The following TENM2 variants were observed in gnomAD, a reference collection of about 807,000 sequenced individuals.
The protein encoded by TENM2 is teneurin transmembrane protein 2.
In TENM2, 52 loss-of-function variants were observed where a neutral mutation model predicts 245.2. That is an observed-to-expected ratio of 0.21 (90% CI 0.17 to 0.27). The LOEUF is 0.27. Among genes scored for constraint, TENM2 ranks in the 10% least tolerant of loss-of-function variants. The pLI is 1.00. For missense variants in TENM2, 3,046 were observed against 3,666.8 expected (o/e 0.83, Z 4.37); for synonymous variants, 1,363 against 1,438.9 (o/e 0.95, Z 1.19).
intron 5 of TENM2, among the ~76,000 whole-genome samples, chr5:168,034,077 G>GTATACATATATATGTGTGTA (rs1787397695): frequency 9.0e-6 from 1 of 111,524 alleles, no homozygotes; most frequent in African/African-American, 3.0e-5. Flanking sequence ...GTATATATAT[G>GTATACATATATATGTGTGTA]TATACATATA....
exon 27 of TENM2, chr5:168,246,762 G>C (rs1479227137): frequency 6.2e-7 from 1 of 1,613,364 alleles, no homozygotes; most frequent in South Asian, 1.1e-5. Context: ...TGCAGTCCAT[G>C]GTCCTCCTGC....
At chr5:167,730,762 A>C (rs1402004197) in intron 2 of TENM2, among the ~76,000 whole-genome samples, 1 of 152,178 alleles carries the variant, frequency 6.6e-6, no homozygotes, top group Non-Finnish European at 1.5e-5. Context: ...AAAATTAGTG[A>C]CATAAACTCT....
the TENM2 span, among the ~76,000 whole-genome samples, chr5:167,154,138 T>C: frequency 6.6e-6 from 1 of 152,218 alleles, no homozygotes; most frequent in Non-Finnish European, 1.5e-5. Context: ...TCAATTGTTC[T>C]AAAGCTAAAT....
chr5:167,580,661 G>A (rs1775024584), intron 2 of TENM2, among the ~76,000 whole-genome samples: 1 of 152,226 alleles, frequency 6.6e-6, no homozygotes, highest in African/African-American at 2.4e-5. Flanking sequence ...TGCAGAACAG[G>A]GAGCAGATTT....
the TENM2 span, chr5:167,168,441 A>C: frequency 6.6e-6 from 1 of 152,180 alleles, no homozygotes; most frequent in Non-Finnish European, 1.5e-5. Context: ...TGTTTTCTCC[A>C]ATACCAGCAT....
intron 2 of TENM2, among the ~76,000 whole-genome samples, chr5:167,386,358 G>A (rs1761432501): frequency 6.6e-6 from 1 of 151,810 alleles, no homozygotes; most frequent in African/African-American, 2.4e-5. Context: ...CTTTTTGATG[G>A]GATTATTATT....
At chr5:167,919,423 G>A (rs1777186114) in intron 3 of TENM2, among the ~76,000 whole-genome samples, 1 of 152,210 alleles carries the variant, frequency 6.6e-6, no homozygotes, top group Non-Finnish European at 1.5e-5. Context: ...TGGAATGCTA[G>A]TGCCTATGAA....
In TENM2 at chr5:167,718,804, G is replaced by A. The variant is rs116267236; in HGVS notation, c.503-157182G>A. 7.9e-4 allele frequency among the ~76,000 whole-genome samples: 119 copies of A among 151,544 alleles called. 2 individuals are homozygous for A. The highest frequency in any genetic ancestry group is 3.5e-3 in the Middle Eastern group (1 of 286). On this transcript the variant is annotated intron_variant, in intron 2 of 28. Coordinates refer to ENST00000518659, the Ensembl canonical transcript of TENM2. ...TTTTTTCTTTTCTTAAGAATTTACC[G>A]GTTCGGTGATCTCTGACATATCATT... is the stretch of plus-strand genomic sequence containing the variant.
At chr5:168,126,936 A>T in exon 12 of TENM2, 1 of 1,608,222 alleles carries the variant, frequency 6.2e-7, no homozygotes, top group East Asian at 2.2e-5. Flanking sequence ...ACACTGCACC[A>T]TTGGTAGGCA....
chr5:167,283,672 G>T (rs1211208352), upstream of TENM2, among the ~76,000 whole-genome samples: 1 of 152,166 alleles, frequency 6.6e-6, no homozygotes, highest in Non-Finnish European at 1.5e-5. Context: ...TCATTGCCCT[G>T]GCTCTGGGTT....
chr5:168,208,836 T>C (rs1269911177), intron 19 of TENM2, among the ~76,000 whole-genome samples: 2 of 152,048 alleles, frequency 1.3e-5, no homozygotes, highest in Non-Finnish European at 2.9e-5. Context: ...AAAACTAAAA[T>C]TATAAATATG....
the TENM2 span, among the ~76,000 whole-genome samples, chr5:167,095,497 C>G: frequency 1.6e-4 from 24 of 152,036 alleles, no homozygotes; most frequent in Non-Finnish European, 3.1e-4. Flanking sequence ...CTTGGCCCAG[C>G]CATAATAGAA....
the TENM2 span, among the ~76,000 whole-genome samples, chr5:167,034,643 A>AT: frequency 2.0e-5 from 3 of 151,340 alleles, no homozygotes; most frequent in South Asian, 6.3e-4. Context: ...AAAAAAAAAA[A>AT]AAAAAAAAAA....
intron 2 of TENM2, among the ~76,000 whole-genome samples, chr5:167,384,346 T>C (rs1025312035): frequency 3.9e-5 from 6 of 152,110 alleles, no homozygotes; most frequent in Non-Finnish European, 5.9e-5. Flanking sequence ...GGGACTTTTA[T>C]GTATGGAAAT....
At chr5:167,110,039 T>C in the TENM2 span, among the ~76,000 whole-genome samples, 1 of 152,346 alleles carries the variant, frequency 6.6e-6, no homozygotes, top group African/African-American at 2.4e-5. Flanking sequence ...CTAAGTTGTC[T>C]CCTGTCAATT....
intron 13 of TENM2, among the ~76,000 whole-genome samples, chr5:168,170,678 C>T (rs935345382): frequency 7.9e-5 from 12 of 152,154 alleles, no homozygotes; most frequent in East Asian, 1.9e-4. Context: ...ACCTGGGTTA[C>T]GGGAACAGCC....
At chr5:168,036,170 G>A (rs1376108864) in intron 5 of TENM2, among the ~76,000 whole-genome samples, 1 of 152,160 alleles carries the variant, frequency 6.6e-6, no homozygotes, top group Non-Finnish European at 1.5e-5. Flanking sequence ...AAGCCATAAG[G>A]AGGAGGGGGA....
At chr5:167,980,498 G>A (rs140943059) in intron 4 of TENM2, among the ~76,000 whole-genome samples, 167 of 152,256 alleles carry the variant, frequency 1.1e-3, no homozygotes, top group African/African-American at 3.9e-3. Context: ...GAGGAGCTTG[G>A]CCTCTTTAAG....
At chr5:167,000,013 C>G in the TENM2 span, among the ~76,000 whole-genome samples, 3 of 152,010 alleles carry the variant, frequency 2.0e-5, no homozygotes, top group African/African-American at 7.2e-5. Context: ...GTTGTAAAAC[C>G]AAGGCAGAGA....
Sources: gnomAD v4.1 joint callset for allele counts (sites outside exome capture counted in the v4.1 genomes callset) on GRCh38, gnomAD v4.1.1 for gene constraint, MANE v1.5 for transcripts, NCBI Gene and HGNC (gene_info 2026-07-23, HGNC 2026-07-21) for gene names.